ZMAT4: variants seen among roughly 807,000 people sequenced by gnomAD.
ZMAT4 encodes zinc finger matrin-type 4, also known as zinc finger matrin-type protein 4.
ZMAT4 carries 17 observed loss-of-function variants against 28.7 expected under a neutral mutation model. The observed-to-expected ratio is 0.59, with a 90% confidence interval of 0.41 to 0.89. ZMAT4 has a LOEUF of 0.89. Among genes scored for constraint, ZMAT4 ranks in the 40% least tolerant of loss-of-function variants. The pLI is 0.00. For synonymous variants in ZMAT4, 117 were observed against 109.2 expected, an observed-to-expected ratio of 1.07 and a Z score of -0.44; for missense variants, 240 against 283.8, an observed-to-expected ratio of 0.85 and a Z score of 1.11.
At chr8:40,742,223 G>A (rs1032157098) in intron 3 of ZMAT4, among the ~76,000 whole-genome samples, 20 of 151,894 alleles carry the variant, frequency 1.3e-4, no homozygotes, top group African/African-American at 4.8e-4. Context: ...ACTCCAGCCT[G>A]GGTGACAGAG....
chr8:40,766,254 T>C (rs956549279), intron 3 of ZMAT4, among the ~76,000 whole-genome samples: 1 of 152,224 alleles, frequency 6.6e-6, no homozygotes, highest in Non-Finnish European at 1.5e-5. Flanking sequence ...TAGCTACTCT[T>C]TATACAATGT....
At chr8:40,622,663 C>T (rs536342829) in intron 5 of ZMAT4, among the ~76,000 whole-genome samples, 10 of 152,348 alleles carry the variant, frequency 6.6e-5, no homozygotes, top group African/African-American at 2.4e-4. Context: ...GCATCAGCAT[C>T]TGCTCCTGGT....
intron 1 of ZMAT4, among the ~76,000 whole-genome samples, chr8:40,850,526 G>C (rs1440551587): frequency 2.0e-5 from 3 of 152,202 alleles, no homozygotes; most frequent in Admixed American, 1.3e-4. Flanking sequence ...CAAAATGTAA[G>C]CTTTGTGGGG....
chr8:40,555,750 C>A (rs759496686), intron 6 of ZMAT4, among the ~76,000 whole-genome samples: 12 of 152,120 alleles, frequency 7.9e-5, no homozygotes, highest in Non-Finnish European at 1.5e-4. Context: ...TGAATTCCCC[C>A]AGCCTCCTTC....
intron 2 of ZMAT4, among the ~76,000 whole-genome samples, chr8:40,791,580 G>A (rs1280851836): frequency 6.6e-6 from 1 of 152,200 alleles, no homozygotes; most frequent in Non-Finnish European, 1.5e-5. Flanking sequence ...TTCTGCTCAT[G>A]TAGTTCCCCA....
chr8:40,750,386 G>A (rs997534409), intron 3 of ZMAT4, among the ~76,000 whole-genome samples: 2 of 152,100 alleles, frequency 1.3e-5, no homozygotes, highest in Non-Finnish European at 2.9e-5. Flanking sequence ...TAGGAAGACA[G>A]CAAGCGTGAT....
chr8:40,792,840 G>A (rs1386962608), intron 2 of ZMAT4, among the ~76,000 whole-genome samples: 1 of 151,336 alleles, frequency 6.6e-6, no homozygotes, highest in East Asian at 2.0e-4. Flanking sequence ...CTAAGTACTA[G>A]AAGTCAATCT....
chr8:40,727,084 T>C (rs910035536), intron 3 of ZMAT4, among the ~76,000 whole-genome samples: 10 of 152,214 alleles, frequency 6.6e-5, no homozygotes, highest in African/African-American at 2.2e-4. Flanking sequence ...TATTTTCTCA[T>C]ACAACAAAGG....
At chr8:40,704,983 T>A (rs4532580) in intron 3 of ZMAT4, among the ~76,000 whole-genome samples, 6,942 of 152,260 alleles carry the variant, frequency 0.046, 298 homozygotes, top group East Asian at 0.24. Flanking sequence ...ACAGGAAGGA[T>A]GGCATGAACT....
intron 1 of ZMAT4, among the ~76,000 whole-genome samples, chr8:40,841,964 T>A (rs1816717192): frequency 6.6e-6 from 1 of 152,074 alleles, no homozygotes; most frequent in Admixed American, 6.5e-5. Flanking sequence ...TGCCCACAGG[T>A]GTAGACATTC....
intron 5 of ZMAT4, among the ~76,000 whole-genome samples, chr8:40,625,846 T>C (rs1806355636): frequency 6.7e-6 from 1 of 149,900 alleles, no homozygotes; most frequent in Admixed American, 6.7e-5. Flanking sequence ...CGCGGTGGAA[T>C]CATGCCTGTA....
chr8:40,685,092 A>T (rs1222475340), intron 4 of ZMAT4, among the ~76,000 whole-genome samples: 3 of 151,130 alleles, frequency 2.0e-5, no homozygotes, highest in Non-Finnish European at 4.4e-5. Flanking sequence ...TTTAATCTAG[A>T]AATAAAGCAC....
intron 2 of ZMAT4, among the ~76,000 whole-genome samples, chr8:40,820,055 A>T (rs1042261978): frequency 1.3e-5 from 2 of 152,080 alleles, no homozygotes; most frequent in Non-Finnish European, 2.9e-5. Flanking sequence ...AACATTGATG[A>T]GGAAAAAAAT....
chr8:40,595,816 G>A (rs1390602735), intron 5 of ZMAT4, among the ~76,000 whole-genome samples: 1 of 152,098 alleles, frequency 6.6e-6, no homozygotes, highest in Non-Finnish European at 1.5e-5. Flanking sequence ...GGGCACGGTG[G>A]CTCACTCCTG....
At chr8:40,611,489 C>A (rs1029793174) in intron 5 of ZMAT4, among the ~76,000 whole-genome samples, 5 of 152,054 alleles carry the variant, frequency 3.3e-5, no homozygotes, top group African/African-American at 1.2e-4. Flanking sequence ...TATAGGCGCA[C>A]GCCACCACGC....
At chr8:40,745,331 G>C (rs2150539124) in intron 3 of ZMAT4, among the ~76,000 whole-genome samples, 1 of 152,248 alleles carries the variant, frequency 6.6e-6, no homozygotes, top group East Asian at 1.9e-4. Flanking sequence ...GTCTACAATT[G>C]TGTGACCCTA....
intron 5 of ZMAT4, among the ~76,000 whole-genome samples, chr8:40,634,292 A>G (rs1365964167): frequency 1.3e-5 from 2 of 152,188 alleles, no homozygotes; most frequent in Non-Finnish European, 1.5e-5. Flanking sequence ...CTGGTCCACA[A>G]GTAGGTAGAG....
At chr8:40,584,175 C>T (rs1031609206) in intron 5 of ZMAT4, among the ~76,000 whole-genome samples, 2 of 152,146 alleles carry the variant, frequency 1.3e-5, no homozygotes, top group African/African-American at 4.8e-5. Context: ...TCAATTCGCA[C>T]TTCCTGCCCA....
At chr8:40,582,351 A>G (rs1386698925) in intron 5 of ZMAT4, among the ~76,000 whole-genome samples, 1 of 152,224 alleles carries the variant, frequency 6.6e-6, no homozygotes, top group Non-Finnish European at 1.5e-5. Context: ...AATATTTTTA[A>G]AAGTCAGGCA....
Sources: gnomAD v4.1 joint callset for allele counts (sites outside exome capture counted in the v4.1 genomes callset) on GRCh38, gnomAD v4.1.1 for gene constraint, MANE v1.5 for transcripts, NCBI Gene and HGNC (gene_info 2026-07-23, HGNC 2026-07-21) for gene names.